DAB1: variants seen among roughly 807,000 people sequenced by gnomAD.
DAB1 encodes the protein DAB adaptor protein 1.
DAB1 carries 15 observed loss-of-function variants against 64.6 expected under a neutral mutation model. The ratio of observed to expected loss-of-function variants is 0.23; its 90% CI spans 0.16 to 0.36. The LOEUF (loss-of-function observed/expected upper bound fraction) is 0.36. Among genes scored for constraint, DAB1 ranks in the 10% least tolerant of loss-of-function variants. The pLI is 1.00. For synonymous variants in DAB1, 235 were observed against 251.9 expected, an observed-to-expected ratio of 0.93 and a Z score of 0.64; for missense variants, 596 against 706.7, an observed-to-expected ratio of 0.84 and a Z score of 1.78.
At chr1:58,475,893 T>C (rs1263729132) in intron 3 of DAB1, among the ~76,000 whole-genome samples, 2 of 152,186 alleles carry the variant, frequency 1.3e-5, no homozygotes, top group Non-Finnish European at 2.9e-5. Flanking sequence ...AAACTCAATA[T>C]TTCTGTGCAA....
At chr1:58,284,672 C>A (rs1488232347) in intron 4 of DAB1, among the ~76,000 whole-genome samples, 1 of 152,252 alleles carries the variant, frequency 6.6e-6, no homozygotes, top group Non-Finnish European at 1.5e-5. Flanking sequence ...CTTTCTGTCT[C>A]ATCTCCACAG....
intron 5 of DAB1, among the ~76,000 whole-genome samples, chr1:58,102,440 A>G (rs1173446673): frequency 6.6e-6 from 1 of 152,194 alleles, no homozygotes; most frequent in Non-Finnish European, 1.5e-5. Flanking sequence ...ACCAAGAACC[A>G]ACCTGTTGCT....
intron 4 of DAB1, among the ~76,000 whole-genome samples, chr1:58,297,006 C>G (rs939960650): frequency 6.6e-6 from 1 of 152,144 alleles, no homozygotes; most frequent in Non-Finnish European, 1.5e-5. Flanking sequence ...GAGAGTGCAG[C>G]CTACAATTCC....
intron 3 of DAB1, among the ~76,000 whole-genome samples, chr1:58,438,657 TAC>T (rs1644972015): frequency 6.6e-6 from 1 of 152,170 alleles, no homozygotes; most frequent in Non-Finnish European, 1.5e-5. Flanking sequence ...ACCACACGTG[TAC>T]AGAGAGCCAG....
intron 7 of DAB1, among the ~76,000 whole-genome samples, chr1:57,562,316 T>C (rs549295053): frequency 6.6e-6 from 1 of 152,322 alleles, no homozygotes; most frequent in African/African-American, 2.4e-5. Context: ...GAGGTTGCAA[T>C]GAGCTGAGAT....
Position 58,277,330 on chromosome 1 carries a change from G to A in DAB1, n.309+66022C>T, listed in dbSNP as rs570169597. Among the ~76,000 whole-genome samples, 33 of 152,148 alleles carry A rather than the reference G, an allele frequency of 2.2e-4. 1 individual carries two copies. Among genetic ancestry groups the A allele is most frequent in the Non-Finnish European group, 4.1e-4 (28 of 67,986 alleles). On this transcript the variant is annotated intron_variant and non_coding_transcript_variant, in intron 4 of 20. Transcript: ENST00000485760. ...GCTGGGATTACAGGCGTGACCCACCGCGCCCAGCCGATGCAAAGACTTTTA... is the reference window on the plus strand; with the variant it reads ...GCTGGGATTACAGGCGTGACCCACCACGCCCAGCCGATGCAAAGACTTTTA...
At chr1:57,145,227 A>G (rs531338658) in intron 3 of DAB1, 63 bp downstream of exon 3, 4 of 1,505,036 alleles carry the variant, frequency 2.7e-6, no homozygotes, top group African/African-American at 1.4e-5. Context: ...TATGATGGTA[A>G]TCACTTCTTT....
chr1:57,464,877 G>GTTT (rs59090758), intron 7 of DAB1, among the ~76,000 whole-genome samples: 2 of 144,202 alleles, frequency 1.4e-5, no homozygotes. Context: ...TACACATCAA[G>GTTT]TTTTTTTTTT....
At chr1:57,883,133 T>C (rs1644171435) in intron 1 of DAB1, among the ~76,000 whole-genome samples, 1 of 152,230 alleles carries the variant, frequency 6.6e-6, no homozygotes, top group Non-Finnish European at 1.5e-5. Flanking sequence ...CACTCTGCTC[T>C]GAGGTTTTCT....
chr1:58,492,892 G>A (rs1387733274), intron 3 of DAB1, among the ~76,000 whole-genome samples: 3 of 152,192 alleles, frequency 2.0e-5, no homozygotes, highest in South Asian at 2.1e-4. Flanking sequence ...CAGAAAAAGA[G>A]AGAATCCTCC....
upstream of DAB1, among the ~76,000 whole-genome samples, chr1:57,428,186 A>G (rs997532207): frequency 6.6e-6 from 1 of 151,830 alleles, no homozygotes; most frequent in African/African-American, 2.4e-5. Flanking sequence ...AAAAAGATCT[A>G]CTCTCTTAGA....
At chr1:57,872,595 G>T (rs573964251) in intron 1 of DAB1, among the ~76,000 whole-genome samples, 1 of 152,254 alleles carries the variant, frequency 6.6e-6, no homozygotes, top group South Asian at 2.1e-4. Flanking sequence ...AAGAAATAGG[G>T]CCCATTCCTC....
Position 57,171,376 on chromosome 1 carries a change from G to C in DAB1, c.68-25947C>G, listed in dbSNP as rs571415213. 2.0e-5 allele frequency among the ~76,000 whole-genome samples: 3 copies of C among 152,318 alleles called. No homozygotes were observed. The East Asian group carries it at 5.8e-4, about 29-fold the overall frequency. On this transcript the variant is annotated intron_variant, in intron 2 of 14. Coordinates refer to ENST00000371236, the MANE Select transcript of DAB1 (RefSeq NM_001365792.1). ...ATGCAAATCACTGAGGATGTTTGCA[G>C]GAAACCTGTTCTCCTTGATAACTCC...
intron 7 of DAB1, among the ~76,000 whole-genome samples, chr1:57,554,615 C>T (rs1204041475): frequency 2.0e-5 from 3 of 152,212 alleles, no homozygotes; most frequent in African/African-American, 7.2e-5. Context: ...AAATAACTTT[C>T]TTACAAACTC....
chr1:57,786,664 G>A (rs1650353044), intron 6 of DAB1, among the ~76,000 whole-genome samples: 1 of 152,102 alleles, frequency 6.6e-6, no homozygotes, highest in Non-Finnish European at 1.5e-5. Context: ...TGAAGACACT[G>A]AACCGTGGAA....
chr1:57,489,569 T>A (rs1644136757), intron 7 of DAB1, among the ~76,000 whole-genome samples: 1 of 152,220 alleles, frequency 6.6e-6, no homozygotes, highest in South Asian at 2.1e-4. Flanking sequence ...GTGGTTCGAT[T>A]ACAAGTATGT....
chr1:58,127,925 T>G (rs1653240396), intron 5 of DAB1, among the ~76,000 whole-genome samples: 1 of 152,226 alleles, frequency 6.6e-6, no homozygotes, highest in Non-Finnish European at 1.5e-5. Context: ...TGGCTTAGGA[T>G]TGACTTGGCT....
intron 5 of DAB1, among the ~76,000 whole-genome samples, chr1:57,926,849 CAAAGTTACAGGGATAA>C (rs1292104216): frequency 2.0e-5 from 3 of 152,138 alleles, no homozygotes; most frequent in Non-Finnish European, 4.4e-5. Context: ...CTCCAAATTG[CAAAGTTACAGGGATAA>C]AGGCATACTT....
At chr1:57,369,716 G>C (rs1319567274) in intron 1 of DAB1, among the ~76,000 whole-genome samples, 2 of 152,150 alleles carry the variant, frequency 1.3e-5, no homozygotes, top group African/African-American at 2.4e-5. Context: ...GCTCTGCTAG[G>C]CACCTGCTAG....
Sources: gnomAD v4.1 joint callset for allele counts (sites outside exome capture counted in the v4.1 genomes callset) on GRCh38, gnomAD v4.1.1 for gene constraint, MANE v1.5 for transcripts, NCBI Gene and HGNC (gene_info 2026-07-23, HGNC 2026-07-21) for gene names.